Variants in ANKRD30BL observed in about 807,000 individuals in gnomAD.
ANKRD30BL encodes the protein putative ankyrin repeat domain-containing protein 30B-like.
In ANKRD30BL, 20 loss-of-function variants were observed where a neutral mutation model predicts 18.4. The ratio of observed to expected loss-of-function variants is 1.09; its 90% confidence interval spans 0.77 to 1.58. ANKRD30BL has a LOEUF of 1.58. Among genes scored for constraint, ANKRD30BL ranks in the 40% most tolerant of loss-of-function variants. The pLI, the probability that ANKRD30BL is intolerant of heterozygous loss-of-function variation, is 0.00. For synonymous variants in ANKRD30BL, 72 were observed against 100.9 expected (o/e 0.71, Z 1.72); for missense variants, 224 against 268.6 (o/e 0.83, Z 1.16).
At chr2:132,247,603 T>C (rs1680539407) in intron 1 of ANKRD30BL, among the ~76,000 whole-genome samples, 1 of 151,898 alleles carries the variant, frequency 6.6e-6, no homozygotes, top group Non-Finnish European at 1.5e-5. Context: ...TTTATCTCCA[T>C]AGGCCTCAAA....
chr2:132,207,101 C>T (rs1477392578), intron 1 of ANKRD30BL, among the ~76,000 whole-genome samples: 1 of 152,098 alleles, frequency 6.6e-6, no homozygotes. Flanking sequence ...CAAATTAAGT[C>T]ATACCCTCAC....
At chr2:132,177,788 T>C (rs1688391686) in intron 1 of ANKRD30BL, among the ~76,000 whole-genome samples, 1 of 152,192 alleles carries the variant, frequency 6.6e-6, no homozygotes, top group South Asian at 2.1e-4. Flanking sequence ...AGTTTATAAA[T>C]GTGGTTATAT....
chr2:132,176,584 C>T (rs1290214703), intron 1 of ANKRD30BL, among the ~76,000 whole-genome samples: 1 of 151,680 alleles, frequency 6.6e-6, no homozygotes, highest in Non-Finnish European at 1.5e-5. Context: ...GTACTCCAGC[C>T]TGGGCGATAG....
intron 1 of ANKRD30BL, among the ~76,000 whole-genome samples, chr2:132,198,308 CTTTCTTTCTTTCTTTCT>C (rs1558928526): frequency 4.0e-4 from 5 of 12,606 alleles, no homozygotes; most frequent in African/African-American, 1.1e-3. Flanking sequence ...TTCTTTCTTT[CTTTCTTTCTTTCTTTCT>C]TTTTTTTTTT....
intron 1 of ANKRD30BL, among the ~76,000 whole-genome samples, chr2:132,194,829 G>T (rs1678931341): frequency 6.6e-6 from 1 of 152,240 alleles, no homozygotes; most frequent in Non-Finnish European, 1.5e-5. Flanking sequence ...CTGCCTGGCA[G>T]TAGGGAGGAG....
At chr2:132,171,843 C>T (rs1688289368) in intron 1 of ANKRD30BL, among the ~76,000 whole-genome samples, 2 of 152,144 alleles carry the variant, frequency 1.3e-5, no homozygotes, top group African/African-American at 4.8e-5. Context: ...CTTTAATCAT[C>T]CCATATAGAA....
chr2:132,169,623 G>C (rs1249569062), intron 1 of ANKRD30BL, among the ~76,000 whole-genome samples: 1 of 141,978 alleles, frequency 7.0e-6, no homozygotes, highest in African/African-American at 2.7e-5. Context: ...CTCCAGCCTG[G>C]TGACACAGGG....
At chr2:132,202,316 CA>C (rs1679121650) in intron 1 of ANKRD30BL, among the ~76,000 whole-genome samples, 1 of 150,504 alleles carries the variant, frequency 6.6e-6, no homozygotes, top group African/African-American at 2.5e-5. Context: ...AGTACATCAC[CA>C]AAAAAATAAA....
chr2:132,206,070 A>T (rs1448318528), intron 1 of ANKRD30BL, among the ~76,000 whole-genome samples: 1 of 152,014 alleles, frequency 6.6e-6, no homozygotes, highest in Non-Finnish European at 1.5e-5. Context: ...AGACAGGAGA[A>T]TCACTTGAAC....
In ANKRD30BL at chr2:132,201,571, G is replaced by A. The variant is rs1679098971; in HGVS notation, n.442-44425C>T. On this transcript the variant is annotated intron_variant and non_coding_transcript_variant, in intron 1 of 4. Coordinates refer to the ANKRD30BL transcript ENST00000470729. ...CATCATCACTGGCCATCAGAGAAAT[G>A]CAAATCAAAACCACAATGAGATACC... Among the ~76,000 whole-genome samples the A allele has an allele frequency of 2.0e-5, 3 of 152,294 alleles. No homozygotes were observed. In the South Asian group the frequency reaches 6.2e-4, roughly 32 times the overall value.
chr2:132,187,037 G>A (rs989458517), intron 1 of ANKRD30BL, among the ~76,000 whole-genome samples: 2 of 151,928 alleles, frequency 1.3e-5, no homozygotes, highest in Non-Finnish European at 2.9e-5. Flanking sequence ...TTTCCCTCAA[G>A]GGTTGATGAT....
At chr2:132,150,306 ATTTG>A (rs1296289554) in intron 5 of ANKRD30BL, among the ~76,000 whole-genome samples, 2 of 152,006 alleles carry the variant, frequency 1.3e-5, no homozygotes, top group Admixed American at 6.6e-5. Flanking sequence ...ACAAACAAAT[ATTTG>A]TTTATTTAAC....
chr2:132,154,763 G>T lies in ANKRD30BL; in HGVS notation c.513C>A (p.Gly171=), dbSNP rs759596916. ...TTATGGCCAGTAAAAGTGGTGTGTG[G>T]CCAGCCTGTAAAACAGCAAAAACAA... The part of the protein sequence containing the change: ...GADIEVKNKA[G]HTPLLLAIRK... The change falls in exon 4 of 6, where the codon GGC becomes GGA. Residue 171 remains glycine, a synonymous_variant. Coordinates refer to ENST00000409867, the MANE Select transcript of ANKRD30BL (RefSeq NM_001358416.1). 2.8e-6 allele frequency: 2 copies of T among 702,008 alleles called. No individual in the cohort carries two copies. Among genetic ancestry groups the T allele is most frequent in the Non-Finnish European group, 5.3e-6 (2 of 380,826 alleles). 43.5% of individuals were successfully genotyped at this position (702,008 alleles called of 1,614,324 possible).
At chr2:132,165,630 G>A (rs1163788463), upstream of ANKRD30BL, among the ~76,000 whole-genome samples, 1 of 151,862 alleles carries the variant, frequency 6.6e-6, no homozygotes, top group African/African-American at 2.4e-5. Context: ...GGCGAGGCAG[G>A]AGAATTGTTT....
chr2:132,231,961 G>C (rs573201145), intron 1 of ANKRD30BL, among the ~76,000 whole-genome samples: 3 of 152,300 alleles, frequency 2.0e-5, no homozygotes, highest in Non-Finnish European at 4.4e-5. Flanking sequence ...GAGAGCAGTG[G>C]TTCTCCCAGC....
chr2:132,154,531 T>C lies in ANKRD30BL; in HGVS notation c.614+131A>G, dbSNP rs1388996420. ...AATAATTGCTTTTCTTCCTAACTGA[T>C]AATTTGTGTTGGTATTTTTCTGCAT... On this transcript the variant is annotated intron_variant, in intron 4 of 5. Transcript: ENST00000409867. The C allele has an allele frequency of 1.4e-5, 7 of 501,548 alleles. No homozygotes were observed. In the South Asian group the frequency reaches 2.5e-4, roughly 18 times the overall value. The allele number at this position is 501,548 out of a possible 1,614,324, so 31.1% of individuals were successfully genotyped here. A position where few individuals can be genotyped will look rare whatever the true frequency, so the allele number is the denominator to read the frequency against.
intron 1 of ANKRD30BL, among the ~76,000 whole-genome samples, chr2:132,225,100 G>T (rs532795427): frequency 6.6e-5 from 10 of 151,442 alleles, no homozygotes; most frequent in Middle Eastern, 3.2e-3. Context: ...AGTAGAATCT[G>T]CAAGTGGATA....
intron 1 of ANKRD30BL, among the ~76,000 whole-genome samples, chr2:132,240,302 C>T (rs1468387726): frequency 1.3e-5 from 2 of 151,260 alleles, no homozygotes; most frequent in Admixed American, 6.6e-5. Flanking sequence ...TTGAGGATTT[C>T]GTTGAAAAGG....
chr2:132,258,001 C>G (rs111836108), upstream of ANKRD30BL: 4,695 of 152,918 alleles, frequency 0.031, 93 homozygotes, highest in Non-Finnish European at 0.048. Context: ...TCACACGGCC[C>G]GTGCGCAGCC....
Sources: allele counts gnomAD v4.1 joint callset (sites outside exome capture counted in the v4.1 genomes callset), GRCh38; gene constraint gnomAD v4.1.1; transcripts MANE v1.5; gene names NCBI Gene and HGNC (gene_info 2026-07-23, HGNC 2026-07-21).